The following STARD13 variants were observed in gnomAD, a reference collection of about 807,000 sequenced individuals.
The protein encoded by STARD13 is stAR-related lipid transfer protein 13.
STARD13 carries 62 observed loss-of-function variants against 106.4 expected under a neutral mutation model. The observed-to-expected ratio is 0.58, with a 90% CI of 0.48 to 0.72. The LOEUF is 0.72. Among genes scored for constraint, STARD13 ranks in the 30% least tolerant of loss-of-function variants. The pLI is 0.00. For synonymous variants in STARD13, 565 were observed against 553.0 expected (o/e 1.02, Z -0.31); for missense variants, 1,387 against 1,424.0 (o/e 0.97, Z 0.42).
chr13:33,652,232 C>T, the STARD13 span, among the ~76,000 whole-genome samples: 4 of 152,188 alleles, frequency 2.6e-5, no homozygotes. Flanking sequence ...GACATTTGTA[C>T]AGATATTCTC....
intron 1 of STARD13, among the ~76,000 whole-genome samples, chr13:33,291,550 T>C (rs550278829): frequency 7.9e-5 from 12 of 152,290 alleles, no homozygotes; most frequent in Non-Finnish European, 7.4e-5. Context: ...ATGGGAGGCT[T>C]TATTTTTTAT....
At chr13:33,121,669 CTT>C (rs398022242) in intron 7 of STARD13, among the ~76,000 whole-genome samples, 78 of 110,442 alleles carry the variant, frequency 7.1e-4, no homozygotes, top group African/African-American at 1.3e-3. Context: ...GTTGTTCATC[CTT>C]TTTTTTTTTT....
At chr13:33,374,709 C>A in the STARD13 span, among the ~76,000 whole-genome samples, 99 of 152,120 alleles carry the variant, frequency 6.5e-4, no homozygotes, top group Middle Eastern at 6.8e-3. Flanking sequence ...ATGGTGGGGG[C>A]AGGTATCCTA....
intron 1 of STARD13, among the ~76,000 whole-genome samples, chr13:33,338,964 C>T (rs1233901799): frequency 3.3e-5 from 5 of 151,082 alleles, no homozygotes; most frequent in African/African-American, 7.3e-5. Context: ...TGGGTGGTTT[C>T]GGGTGGGGGT....
At chr13:33,514,453 A>G in the STARD13 span, among the ~76,000 whole-genome samples, 5 of 152,116 alleles carry the variant, frequency 3.3e-5, no homozygotes, top group Non-Finnish European at 7.4e-5. Context: ...TCTAGTTACC[A>G]GTTGCATCTG....
intron 1 of STARD13, among the ~76,000 whole-genome samples, chr13:33,266,090 C>T (rs568714358): frequency 6.6e-6 from 1 of 152,194 alleles, no homozygotes; most frequent in Non-Finnish European, 1.5e-5. Flanking sequence ...GCAGAAGCAA[C>T]AACCACTCTA....
chr13:33,573,889 A>C, the STARD13 span, among the ~76,000 whole-genome samples: 8 of 152,180 alleles, frequency 5.3e-5, no homozygotes, highest in Admixed American at 5.2e-4. Flanking sequence ...AATTGTGTAC[A>C]CTGGTGAACA....
chr13:33,150,412 G>T (rs1202547343), intron 3 of STARD13, among the ~76,000 whole-genome samples: 1 of 152,218 alleles, frequency 6.6e-6, no homozygotes, highest in Non-Finnish European at 1.5e-5. Flanking sequence ...TTTATTTTCA[G>T]ATGAGAAGAT....
At chr13:33,167,384 A>G (rs1372122869) in intron 2 of STARD13, among the ~76,000 whole-genome samples, 167 bp downstream of exon 2, 1 of 152,168 alleles carries the variant, frequency 6.6e-6, no homozygotes, top group Non-Finnish European at 1.5e-5. Context: ...TCATTTCTAA[A>G]TTGGTATCAG....
At chr13:33,608,838 G>A in the STARD13 span, among the ~76,000 whole-genome samples, 1 of 152,174 alleles carries the variant, frequency 6.6e-6, no homozygotes, top group Non-Finnish European at 1.5e-5. Context: ...TGTAATCCCA[G>A]CACTTTGGGA....
At chr13:33,611,416 T>A in the STARD13 span, 1 of 152,198 alleles carries the variant, frequency 6.6e-6, no homozygotes, top group African/African-American at 2.4e-5. Context: ...AAAAAAGGTA[T>A]TTTTAGGGCC....
the STARD13 span, among the ~76,000 whole-genome samples, chr13:33,467,572 C>T: frequency 6.6e-5 from 10 of 152,050 alleles, no homozygotes; most frequent in Admixed American, 2.6e-4. Flanking sequence ...CTTTTCAGAG[C>T]GAAATGAGGA....
chr13:33,225,766 A>G (rs2138192607), intron 1 of STARD13, among the ~76,000 whole-genome samples: 1 of 152,150 alleles, frequency 6.6e-6, no homozygotes, highest in East Asian at 1.9e-4. Flanking sequence ...AAAAAAAACA[A>G]CTCTTCGTAT....
the STARD13 span, among the ~76,000 whole-genome samples, chr13:33,471,686 T>C: frequency 6.6e-6 from 1 of 151,916 alleles, no homozygotes; most frequent in South Asian, 2.1e-4. Context: ...GGCCAACTGA[T>C]TTCATGCCCA....
the STARD13 span, among the ~76,000 whole-genome samples, chr13:33,362,325 G>C: frequency 6.6e-6 from 1 of 152,148 alleles, no homozygotes; most frequent in Admixed American, 6.5e-5. Context: ...TCACCAAAGA[G>C]ATGGTGCTAA....
chr13:33,393,431 C>T, the STARD13 span, among the ~76,000 whole-genome samples: 8 of 152,088 alleles, frequency 5.3e-5, no homozygotes, highest in East Asian at 3.9e-4. Context: ...GTTATGGCAT[C>T]GGTAGATAGC....
the STARD13 span, among the ~76,000 whole-genome samples, chr13:33,666,751 C>T: frequency 6.6e-5 from 10 of 151,946 alleles, no homozygotes; most frequent in East Asian, 1.9e-4. Flanking sequence ...CCACCACACC[C>T]GGCTAATTTT....
chr13:33,291,636 G>T (rs1389690422), intron 1 of STARD13, among the ~76,000 whole-genome samples: 1 of 152,154 alleles, frequency 6.6e-6, no homozygotes, highest in Non-Finnish European at 1.5e-5. Context: ...AGATACAAAG[G>T]TGAGTATGAT....
chr13:33,670,516 A>G, the STARD13 span, among the ~76,000 whole-genome samples: 1 of 152,240 alleles, frequency 6.6e-6, no homozygotes, highest in Admixed American at 6.5e-5. Flanking sequence ...AACCAAAATA[A>G]ATAATCTTAT....
Sources: gnomAD v4.1 joint callset for allele counts (sites outside exome capture counted in the v4.1 genomes callset) on GRCh38, gnomAD v4.1.1 for gene constraint, MANE v1.5 for transcripts, NCBI Gene and HGNC (gene_info 2026-07-23, HGNC 2026-07-21) for gene names.